RNF130: variants seen among roughly 807,000 people sequenced by gnomAD.
The protein encoded by RNF130 is E3 ubiquitin-protein ligase RNF130.
RNF130 carries 21 observed loss-of-function variants against 44.6 expected under a neutral mutation model. The ratio of observed to expected loss-of-function variants is 0.47; its 90% CI spans 0.33 to 0.68. The LOEUF (loss-of-function observed/expected upper bound fraction) is 0.68, where lower values mean the gene tolerates loss of function less well. RNF130 is among the 30% of genes least tolerant of loss of function. The pLI is 0.02. For missense variants in RNF130, 479 were observed against 560.6 expected (o/e 0.85, Z 1.47); for synonymous variants, 214 against 210.4 (o/e 1.02, Z -0.15).
intron 2 of RNF130, among the ~76,000 whole-genome samples, chr5:180,022,742 C>G (rs780271272): frequency 2.0e-4 from 31 of 152,194 alleles, no homozygotes; most frequent in Middle Eastern, 3.2e-3. Context: ...TTTTAAACAA[C>G]CCATTTGCAG....
At chr5:180,010,353 A>G (rs544979163) in intron 3 of RNF130, among the ~76,000 whole-genome samples, 19 of 150,680 alleles carry the variant, frequency 1.3e-4, no homozygotes, top group African/African-American at 4.6e-4. Flanking sequence ...TTCCACCTAT[A>G]TAACATTTTT....
At chr5:179,932,544 G>A (rs183266633) in intron 7 of RNF130, among the ~76,000 whole-genome samples, 11 of 151,966 alleles carry the variant, frequency 7.2e-5, no homozygotes, top group Admixed American at 6.6e-4. Context: ...ACAAGTGTGA[G>A]CCACCACGCC....
chr5:179,962,783 C>T (rs951063056), intron 8 of RNF130, among the ~76,000 whole-genome samples: 1 of 152,176 alleles, frequency 6.6e-6, no homozygotes, highest in Admixed American at 6.5e-5. Flanking sequence ...CAAGTGACAT[C>T]CAGCCTCTGC....
At position 179,970,406 on chromosome 5, in the gene RNF130, G is replaced by A. The variant is rs201588543; in HGVS notation, c.945+4C>T. 3.2e-5 allele frequency: 52 copies of A among 1,600,330 alleles called. No homozygotes were observed. In the Admixed American group the frequency reaches 4.3e-4, roughly 13 times the overall value. ...AGTGGTAACAAATAAAATAGGAAAC[G>A]TACCACAATTCCCAGGGCCTTCAAT... On this transcript the variant is annotated splice_donor_region_variant and intron_variant, in intron 6 of 8. Coordinates refer to ENST00000521389, the MANE Select transcript of RNF130 (RefSeq NM_018434.6).
At chr5:180,033,140 CTTTT>C (rs1215510287) in intron 2 of RNF130, among the ~76,000 whole-genome samples, 2 of 151,758 alleles carry the variant, frequency 1.3e-5, no homozygotes, top group African/African-American at 4.8e-5. Context: ...CACCCGGCTA[CTTTT>C]TTTATTTTTT....
Position 179,963,576 on chromosome 5 carries a change from G to A in RNF130, c.1151-12C>T, listed in dbSNP as rs746463383. 1.3e-5 allele frequency: 21 copies of A among 1,573,480 alleles called. No individual in the cohort carries two copies. Among genetic ancestry groups the A allele is most frequent in the Non-Finnish European group, 1.7e-5 (20 of 1,144,198 alleles). Reference sequence around the variant, plus strand: ...AATAAACCATTCTTCTGTTGACAAAGGAAAGGGAGGAAATCACTCTGGGGA... The same window carrying A: ...AATAAACCATTCTTCTGTTGACAAAAGAAAGGGAGGAAATCACTCTGGGGA... On this transcript the variant is annotated splice_polypyrimidine_tract_variant and intron_variant, in intron 7 of 8. Coordinates refer to ENST00000521389, the MANE Select transcript of RNF130 (RefSeq NM_018434.6).
intron 4 of RNF130, among the ~76,000 whole-genome samples, chr5:179,979,417 T>A (rs978540050): frequency 1.2e-4 from 18 of 151,676 alleles, no homozygotes; most frequent in African/African-American, 4.1e-4. Flanking sequence ...GAGAATCATA[T>A]GAAATTATCC....
chr5:179,982,613 C>T (rs863231), intron 3 of RNF130, among the ~76,000 whole-genome samples: 41,550 of 151,970 alleles, frequency 0.27, 7,056 homozygotes, highest in African/African-American at 0.49. Flanking sequence ...TCTTGCTCTG[C>T]TTCCCAAACT....
At chr5:179,969,960 C>T (rs962590562) in intron 6 of RNF130, among the ~76,000 whole-genome samples, 120 of 152,200 alleles carry the variant, frequency 7.9e-4, no homozygotes, top group African/African-American at 2.7e-3. Context: ...CATTGTACTC[C>T]AGCTTGGGCA....
intron 7 of RNF130, among the ~76,000 whole-genome samples, chr5:179,937,525 C>G (rs1761908839): frequency 6.6e-6 from 1 of 152,034 alleles, no homozygotes; most frequent in Admixed American, 6.5e-5. Context: ...TTAGAAATGG[C>G]TATAATTTTA....
chr5:180,010,587 T>C (rs1187387182), intron 3 of RNF130, among the ~76,000 whole-genome samples: 1 of 152,170 alleles, frequency 6.6e-6, no homozygotes, highest in Non-Finnish European at 1.5e-5. Context: ...CTTGAACTCC[T>C]GACCTCAAGT....
intron 5 of RNF130, among the ~76,000 whole-genome samples, chr5:179,974,898 G>T (rs1015910891): frequency 2.6e-5 from 4 of 152,264 alleles, no homozygotes; most frequent in Non-Finnish European, 4.4e-5. Context: ...GCGCACCCGG[G>T]TCAGCACGCT....
chr5:180,042,393 T>C (rs1764440702), intron 1 of RNF130, among the ~76,000 whole-genome samples: 1 of 152,204 alleles, frequency 6.6e-6, no homozygotes, highest in Non-Finnish European at 1.5e-5. Flanking sequence ...CCCTTTTCCT[T>C]AAAAGGTTTC....
intron 8 of RNF130, among the ~76,000 whole-genome samples, chr5:179,957,206 G>A (rs775701811): frequency 6.6e-6 from 1 of 152,184 alleles, no homozygotes; most frequent in Non-Finnish European, 1.5e-5. Flanking sequence ...GAGGTCAGGA[G>A]TTTGAGACCA....
rs190824783 is a variant in RNF130 at position 180,054,006 on chromosome 5, G to A, written c.248-13359C>T. On this transcript the variant is annotated intron_variant, in intron 1 of 8. Transcript: ENST00000521389. ...TAATTTTTATATTTTTAGCAGAGAT[G>A]GGGTTTCACTATGTTGGCCAGGATG... Among the ~76,000 whole-genome samples the A allele has an allele frequency of 3.8e-4, 58 of 152,026 alleles. No individual in the cohort carries two copies. The South Asian group carries it at 4.0e-3, about 10-fold the overall frequency.
chr5:180,068,133 T>G (rs901731128), intron 1 of RNF130, among the ~76,000 whole-genome samples: 2 of 152,216 alleles, frequency 1.3e-5, no homozygotes, highest in African/African-American at 4.8e-5. Context: ...TCTGCATACA[T>G]AATCACATCA....
chr5:179,998,636 A>G (rs560540412), intron 3 of RNF130, among the ~76,000 whole-genome samples: 60 of 151,984 alleles, frequency 3.9e-4, no homozygotes, highest in Non-Finnish European at 7.1e-4. Context: ...CATGTGGCCA[A>G]TCTTGAAGAA....
At chr5:180,068,319 A>G (rs191847445) in intron 1 of RNF130, among the ~76,000 whole-genome samples, 2 of 152,386 alleles carry the variant, frequency 1.3e-5, no homozygotes, top group South Asian at 2.1e-4. Context: ...TGAGTAAGTA[A>G]TAAGAAAGCA....
In RNF130 at chr5:179,981,280, C is replaced by T. The variant is rs540065066; in HGVS notation, c.694-1080G>A. Among the ~76,000 whole-genome samples the T allele has an allele frequency of 7.9e-5, 12 of 152,224 alleles. No individual in the cohort carries two copies. The South Asian group carries it at 1.4e-3, about 18-fold the overall frequency. ...TCACACTGGGACAAGGGGCAAAAAC[C>T]GCGACTGTCCCAGGCACATCAGGGA... On this transcript the variant is annotated intron_variant, in intron 3 of 8. Coordinates refer to ENST00000521389, the MANE Select transcript of RNF130 (RefSeq NM_018434.6).
Sources: allele counts gnomAD v4.1 joint callset (sites outside exome capture counted in the v4.1 genomes callset), GRCh38; gene constraint gnomAD v4.1.1; transcripts MANE v1.5; gene names NCBI Gene and HGNC (gene_info 2026-07-23, HGNC 2026-07-21).